SORCS3: variants seen among roughly 807,000 people sequenced by gnomAD.
The protein encoded by SORCS3 is VPS10 domain-containing receptor SorCS3.
A neutral mutation model predicts 146.3 loss-of-function variants in SORCS3; 57 were observed. That is an observed-to-expected ratio of 0.39 (90% CI 0.31 to 0.49). The LOEUF is 0.49. SORCS3 is among the 20% of genes least tolerant of loss of function. The probability of loss-of-function intolerance (pLI) is 0.92; values close to 1 mark genes in which losing one functional copy is unlikely to be tolerated. For synonymous variants in SORCS3, 653 were observed against 618.5 expected (o/e 1.06, Z -0.83); for missense variants, 1,341 against 1,575.5 (o/e 0.85, Z 2.52).
At chr10:104,831,324 G>T (rs1449685858) in intron 1 of SORCS3, among the ~76,000 whole-genome samples, 1 of 152,144 alleles carries the variant, frequency 6.6e-6, no homozygotes, top group Non-Finnish European at 1.5e-5. Flanking sequence ...TAAAAGAAAA[G>T]AAACAGAGAG....
intron 14 of SORCS3, among the ~76,000 whole-genome samples, chr10:105,197,413 C>G (rs945389506): frequency 1.3e-5 from 2 of 152,162 alleles, no homozygotes; most frequent in African/African-American, 4.8e-5. Context: ...TCATACTTCA[C>G]CACCACTACC....
chr10:104,968,548 C>T lies in SORCS3; in HGVS notation c.796-8787C>T, dbSNP rs570173651. On this transcript the variant is annotated intron_variant, in intron 3 of 26. Coordinates refer to ENST00000369701, the MANE Select transcript of SORCS3 (RefSeq NM_014978.3). ...AAACCCCTCTTCCCCTTCCAGCACA[C>T]GTATACCCACTGCAGTTCTCATGTC... is the stretch of plus-strand genomic sequence containing the variant. Among the ~76,000 whole-genome samples, 10 of 152,320 alleles carry T rather than the reference C, an allele frequency of 6.6e-5. No individual in the cohort carries two copies. The East Asian group carries it at 1.7e-3, about 26-fold the overall frequency.
At chr10:104,821,956 C>G (rs1459370929) in intron 1 of SORCS3, 1 of 376,088 alleles carries the variant, frequency 2.7e-6, no homozygotes, top group African/African-American at 2.1e-5. Context: ...ATAAAATAAC[C>G]TTGAATGAAA....
At chr10:105,113,877 G>C (rs17118375) in intron 7 of SORCS3, among the ~76,000 whole-genome samples, 12,929 of 152,152 alleles carry the variant, frequency 0.085, 680 homozygotes, top group Admixed American at 0.16. Flanking sequence ...TGCCTGAAAT[G>C]CCTCCGTTCC....
rs111457793 is a variant in SORCS3, at chr10:104,719,978, GT to G, written c.627+78037del. ...AGCCAGGTGAGCTTTCTGCTCATAG[GT>G]TTTTTTTTTTTTATACTTTAAGTTT... On this transcript the variant is annotated intron_variant, in intron 1 of 26. Coordinates refer to ENST00000369701, the MANE Select transcript of SORCS3 (RefSeq NM_014978.3). 2.2e-3 allele frequency among the ~76,000 whole-genome samples: 302 copies of G among 137,212 alleles called. 4 individuals are homozygous for G. The highest frequency in any genetic ancestry group is 5.6e-3 in the African/African-American group (216 of 38,572). 90.0% of individuals were successfully genotyped at this position (137,212 alleles called of 152,430 possible).
intron 1 of SORCS3, among the ~76,000 whole-genome samples, chr10:104,741,700 G>GTTTTTTTTTTTTTTTT (rs71022746): frequency 3.1e-4 from 1 of 3,266 alleles, no homozygotes; most frequent in Non-Finnish European, 5.6e-4. Flanking sequence ...TCCATTCTGG[G>GTTTTTTTTTTTTTTTT]TTTTTTTTTT....
chr10:104,655,061 T>C (rs1014371042), intron 1 of SORCS3, among the ~76,000 whole-genome samples: 5 of 152,154 alleles, frequency 3.3e-5, no homozygotes, highest in African/African-American at 1.2e-4. Context: ...GAGACCAGCC[T>C]GGCCAACATG....
At chr10:104,814,140 G>A (rs1419010781) in intron 1 of SORCS3, among the ~76,000 whole-genome samples, 1 of 152,154 alleles carries the variant, frequency 6.6e-6, no homozygotes, top group Non-Finnish European at 1.5e-5. Flanking sequence ...GGAATGGGCA[G>A]TGTTTGGAGT....
At chr10:104,676,054 T>C (rs2015909460) in intron 1 of SORCS3, among the ~76,000 whole-genome samples, 1 of 152,256 alleles carries the variant, frequency 6.6e-6, no homozygotes, top group Non-Finnish European at 1.5e-5. Context: ...AGGGATCTGA[T>C]GCTTTGTGAT....
intron 20 of SORCS3, among the ~76,000 whole-genome samples, chr10:105,229,913 T>C (rs1473231478): frequency 2.0e-5 from 3 of 151,946 alleles, no homozygotes; most frequent in African/African-American, 7.3e-5. Flanking sequence ...GGAGGTGTGG[T>C]GTAGGTGATA....
Position 105,104,203 on chromosome 10 carries a change from T to A in SORCS3, c.1094-1194T>A, listed in dbSNP as rs188944643. 3.8e-4 allele frequency among the ~76,000 whole-genome samples: 58 copies of A among 152,362 alleles called. No homozygotes were observed. In the East Asian group the frequency reaches 7.5e-3, roughly 20 times the overall value. On this transcript the variant is annotated intron_variant, in intron 6 of 26. Transcript: ENST00000369701. ...AATTGCATTAGATAGGCATATGTAA[T>A]AATGCATGTGGTTTTAGATAATAAG...
At chr10:105,235,428 C>T (rs1403764956) in intron 20 of SORCS3, among the ~76,000 whole-genome samples, 1 of 143,998 alleles carries the variant, frequency 6.9e-6, no homozygotes, top group African/African-American at 2.6e-5. Context: ...GAGTTTTGAA[C>T]TCTCAGACTG....
chr10:105,217,433 A>C (rs1446367736), intron 19 of SORCS3, among the ~76,000 whole-genome samples: 3 of 152,222 alleles, frequency 2.0e-5, no homozygotes, highest in Non-Finnish European at 4.4e-5. Flanking sequence ...GAGAATCCTC[A>C]AAATGAAAAA....
At chr10:105,140,848 A>T (rs979769354) in intron 8 of SORCS3, among the ~76,000 whole-genome samples, 1 of 152,148 alleles carries the variant, frequency 6.6e-6, no homozygotes, top group Non-Finnish European at 1.5e-5. Flanking sequence ...GATAAGCTTT[A>T]TGGGACCATT....
chr10:104,879,391 C>G lies in SORCS3; in HGVS notation c.696-36442C>G, dbSNP rs1303492141. On this transcript the variant is annotated intron_variant, in intron 2 of 26. Transcript: ENST00000369701. ...GCCAAGTCCTTCTCACCTCACCACT[C>G]TCTGACCCACTGCAGCTGAAAAAAT... 2.6e-5 allele frequency among the ~76,000 whole-genome samples: 4 copies of G among 152,264 alleles called. No individual in the cohort carries two copies. The East Asian group carries it at 5.8e-4, about 22-fold the overall frequency.
At chr10:104,729,438 A>G (rs2016681313) in intron 1 of SORCS3, among the ~76,000 whole-genome samples, 3 of 152,216 alleles carry the variant, frequency 2.0e-5, no homozygotes, top group Admixed American at 6.5e-5. Context: ...CATTGTTAAC[A>G]TTTCCTTTAA....
intron 7 of SORCS3, among the ~76,000 whole-genome samples, chr10:105,116,214 C>T (rs2055892513): frequency 6.6e-6 from 1 of 152,194 alleles, no homozygotes; most frequent in South Asian, 2.1e-4. Context: ...CACATCCTTC[C>T]AGCTATGTTT....
intron 13 of SORCS3, among the ~76,000 whole-genome samples, chr10:105,169,554 C>T (rs924179468): frequency 6.6e-5 from 10 of 151,990 alleles, no homozygotes; most frequent in African/African-American, 1.9e-4. Flanking sequence ...AAACTTTGAC[C>T]GAAGTCCAGA....
intron 2 of SORCS3, among the ~76,000 whole-genome samples, chr10:104,855,267 T>C (rs997733879): frequency 2.0e-5 from 3 of 152,210 alleles, no homozygotes; most frequent in African/African-American, 7.2e-5. Flanking sequence ...ATGATTACTC[T>C]CACTTTATTC....
Sources: allele counts gnomAD v4.1 joint callset (sites outside exome capture counted in the v4.1 genomes callset), GRCh38; gene constraint gnomAD v4.1.1; transcripts MANE v1.5; gene names NCBI Gene and HGNC (gene_info 2026-07-23, HGNC 2026-07-21).